Variants in PDIA5 observed in about 807,000 individuals in gnomAD.
The protein encoded by PDIA5 is protein disulfide-isomerase A5.
Under a neutral mutation model 77.6 loss-of-function variants are expected in PDIA5, and 58 were observed. The observed-to-expected ratio is 0.75, with a 90% CI of 0.61 to 0.93. The LOEUF (loss-of-function observed/expected upper bound fraction) is 0.93. Ranked by LOEUF, PDIA5 falls within the 40% of genes least tolerant of loss-of-function variation. PDIA5 has a pLI of 0.00. For synonymous variants in PDIA5, 250 were observed against 252.1 expected, an observed-to-expected ratio of 0.99 and a Z score of 0.08; for missense variants, 630 against 647.7, an observed-to-expected ratio of 0.97 and a Z score of 0.30.
intron 1 of PDIA5, among the ~76,000 whole-genome samples, chr3:123,076,597 G>T (rs372152156): frequency 1.3e-5 from 2 of 152,352 alleles, no homozygotes; most frequent in South Asian, 4.1e-4. Flanking sequence ...AGGATGAAAT[G>T]AGATCATGTG....
intron 1 of PDIA5, among the ~76,000 whole-genome samples, chr3:123,078,489 G>T (rs534492699): frequency 3.7e-4 from 56 of 152,106 alleles, no homozygotes; most frequent in Admixed American, 1.2e-3. Context: ...GAATCCAAAG[G>T]ATTGTTATAT....
chr3:123,129,764 G>A (rs1234995176), intron 10 of PDIA5, among the ~76,000 whole-genome samples: 1 of 152,210 alleles, frequency 6.6e-6, no homozygotes, highest in Non-Finnish European at 1.5e-5. Context: ...ACAGGCTCCA[G>A]AGAGGTCAGG....
At position 123,125,056 on chromosome 3, in the gene PDIA5, T is replaced by A. The variant is rs914105983; in HGVS notation, c.773+713T>A. Reference sequence around the variant, plus strand: ...CCACTGTGCTAGGCCTGCTGCTTTGTCCTGCCAGATCACCCCATTCCCACT... The same window carrying A: ...CCACTGTGCTAGGCCTGCTGCTTTGACCTGCCAGATCACCCCATTCCCACT... On this transcript the variant is annotated intron_variant, in intron 10 of 16. Coordinates refer to ENST00000316218, the MANE Select transcript of PDIA5 (RefSeq NM_006810.4). Among the ~76,000 whole-genome samples the A allele has an allele frequency of 3.5e-4, 53 of 152,262 alleles. 1 individual carries two copies. Among genetic ancestry groups the A allele is most frequent in the Admixed American group, 9.1e-4 (14 of 15,302 alleles).
chr3:123,087,713 C>A (rs568260937), intron 1 of PDIA5, among the ~76,000 whole-genome samples: 1 of 152,110 alleles, frequency 6.6e-6, no homozygotes, highest in Non-Finnish European at 1.5e-5. Context: ...CTTTTGTAAC[C>A]GGTGAACCTT....
At chr3:123,115,789 T>A (rs1934981318) in intron 7 of PDIA5, among the ~76,000 whole-genome samples, 1 of 152,268 alleles carries the variant, frequency 6.6e-6, no homozygotes, top group Admixed American at 6.5e-5. Flanking sequence ...TGGTCACACA[T>A]TTTTCTTCAT....
At chr3:123,098,878 C>T (rs762946550) in intron 3 of PDIA5, among the ~76,000 whole-genome samples, 2 of 152,232 alleles carry the variant, frequency 1.3e-5, no homozygotes, top group African/African-American at 2.4e-5. Context: ...TCTCCTTTCT[C>T]CCCTAGAACC....
intron 14 of PDIA5, among the ~76,000 whole-genome samples, chr3:123,153,777 A>G (rs1173252567): frequency 6.6e-6 from 1 of 152,252 alleles, no homozygotes; most frequent in African/African-American, 2.4e-5. Flanking sequence ...TTAAACTTGT[A>G]GCTTAGCCTT....
At chr3:123,148,736 A>G (rs1040066547) in intron 13 of PDIA5, among the ~76,000 whole-genome samples, 1 of 152,160 alleles carries the variant, frequency 6.6e-6, no homozygotes, top group East Asian at 1.9e-4. Context: ...TTTAATTCCT[A>G]TTTCATTGGT....
At chr3:123,073,364 G>C (rs1462999560) in intron 1 of PDIA5, among the ~76,000 whole-genome samples, 1 of 152,162 alleles carries the variant, frequency 6.6e-6, no homozygotes, top group African/African-American at 2.4e-5. Flanking sequence ...TCAGTGCCTG[G>C]CTTGAATGTG....
At chr3:123,135,029 C>T (rs766880740) in intron 11 of PDIA5, among the ~76,000 whole-genome samples, 10 of 152,236 alleles carry the variant, frequency 6.6e-5, no homozygotes, top group Non-Finnish European at 5.9e-5. Context: ...CCGGTTTTCC[C>T]ACCCTGCAGG....
intron 11 of PDIA5, among the ~76,000 whole-genome samples, chr3:123,139,961 C>G (rs1022642578): frequency 6.6e-6 from 1 of 152,136 alleles, no homozygotes; most frequent in Non-Finnish European, 1.5e-5. Flanking sequence ...ACTCCAGCTG[C>G]TTTGAGTACA....
chr3:123,161,641 G>A (rs997286082), intron 16 of PDIA5, 186 bp downstream of exon 16: 1 of 684,910 alleles, frequency 1.5e-6, no homozygotes, highest in East Asian at 2.7e-5. Context: ...GTCCCAAGGG[G>A]TTGCCACAGA....
intron 15 of PDIA5, among the ~76,000 whole-genome samples, chr3:123,160,410 C>T (rs1576470122): frequency 6.6e-6 from 1 of 152,180 alleles, no homozygotes; most frequent in Non-Finnish European, 1.5e-5. Flanking sequence ...AATGTGGGAA[C>T]CACTTTCTGA....
rs2271632 is a variant in PDIA5, at chr3:123,145,708, G to T, written c.981+116G>T. 1.3e-3 allele frequency: 1,062 copies of T among 790,258 alleles called. 5 individuals carry two copies. The highest frequency in any genetic ancestry group is 2.4e-3 in the Middle Eastern group (10 of 4,118). 49.0% of individuals were successfully genotyped at this position (790,258 alleles called of 1,614,324 possible). The stretch of plus-strand genomic sequence containing the variant: ...CAGCTCCCGTGGTCCGTGGAGGCCA[G>T]CAGTACCTCTGTGTGCCCAAGTAGA... On this transcript the variant is annotated intron_variant, in intron 12 of 16. Coordinates refer to ENST00000316218, the MANE Select transcript of PDIA5 (RefSeq NM_006810.4).
chr3:123,075,965 C>G (rs2107905770), intron 1 of PDIA5, among the ~76,000 whole-genome samples: 1 of 152,292 alleles, frequency 6.6e-6, no homozygotes, highest in Non-Finnish European at 1.5e-5. Flanking sequence ...AGCTGTGTCA[C>G]CATTGTCTGC....
At chr3:123,104,460 C>T (rs1934683424) in intron 5 of PDIA5, among the ~76,000 whole-genome samples, 2 of 152,176 alleles carry the variant, frequency 1.3e-5, no homozygotes, top group Non-Finnish European at 1.5e-5. Context: ...AGATGGAGGA[C>T]CCCCCGACAG....
chr3:123,128,311 T>C (rs971171324), intron 10 of PDIA5, among the ~76,000 whole-genome samples: 2 of 152,206 alleles, frequency 1.3e-5, no homozygotes, highest in African/African-American at 4.8e-5. Context: ...TTGAAACTCC[T>C]GAACTGTTAT....
chr3:123,121,142 C>A (rs928934346), intron 8 of PDIA5, among the ~76,000 whole-genome samples: 27 of 152,202 alleles, frequency 1.8e-4, no homozygotes, highest in African/African-American at 6.5e-4. Flanking sequence ...GTGTATCCTG[C>A]CTTCCAGTTA....
chr3:123,103,711 C>T (rs530862807), intron 5 of PDIA5, among the ~76,000 whole-genome samples: 11 of 152,302 alleles, frequency 7.2e-5, no homozygotes, highest in African/African-American at 2.6e-4. Context: ...ATTGCTACAG[C>T]GTTCACCTTA....
Sources: gnomAD v4.1 joint callset for allele counts (sites outside exome capture counted in the v4.1 genomes callset) on GRCh38, gnomAD v4.1.1 for gene constraint, MANE v1.5 for transcripts, NCBI Gene and HGNC (gene_info 2026-07-23, HGNC 2026-07-21) for gene names.